C10orf67: variants seen among roughly 807,000 people sequenced by gnomAD.
The protein encoded by C10orf67 is chromosome 10 open reading frame 67, also known as uncharacterized protein C10orf67, mitochondrial.
A neutral mutation model predicts 35.6 loss-of-function variants in C10orf67; 60 were observed. The ratio of observed to expected loss-of-function variants is 1.68; its 90% CI spans 1.37 to 2.09. The LOEUF (loss-of-function observed/expected upper bound fraction) is 2.09, where lower values mean the gene tolerates loss of function less well. Among genes scored for constraint, C10orf67 ranks in the 30% most tolerant of loss-of-function variants. The pLI is 0.00. For synonymous variants in C10orf67, 167 were observed against 115.8 expected (o/e 1.44, Z -2.84); for missense variants, 474 against 330.2 (o/e 1.44, Z -3.38).
chr10:23,289,714 C>T (rs1843656878), intron 7 of C10orf67, among the ~76,000 whole-genome samples, 186 bp downstream of exon 7: 1 of 152,206 alleles, frequency 6.6e-6, no homozygotes, highest in Non-Finnish European at 1.5e-5. Context: ...ATCTATACAT[C>T]CGTGAGTTTT....
At chr10:23,230,959 C>A (rs1841890272) in intron 13 of C10orf67, among the ~76,000 whole-genome samples, 1 of 152,020 alleles carries the variant, frequency 6.6e-6, no homozygotes, top group Non-Finnish European at 1.5e-5. Context: ...CCTTCAATAT[C>A]TAATCTCCTC....
intron 8 of C10orf67, among the ~76,000 whole-genome samples, chr10:23,279,611 T>C (rs1843306000): frequency 6.6e-6 from 1 of 152,134 alleles, no homozygotes; most frequent in African/African-American, 2.4e-5. Context: ...GGAAATGAAG[T>C]AAGAGAAAGA....
At chr10:23,225,847 C>T (rs1207041052) in intron 13 of C10orf67, among the ~76,000 whole-genome samples, 1 of 152,248 alleles carries the variant, frequency 6.6e-6, no homozygotes, top group Admixed American at 6.5e-5. Context: ...GCACCCAATA[C>T]AGGAGCAGCC....
intron 7 of C10orf67, among the ~76,000 whole-genome samples, chr10:23,285,183 C>A (rs1306020538): frequency 6.6e-6 from 1 of 151,910 alleles, no homozygotes; most frequent in African/African-American, 2.4e-5. Context: ...CCCCAGGGGA[C>A]CTAGTTCCAA....
Position 23,333,080 on chromosome 10 carries a change from A to C in C10orf67, c.309T>G (p.Ser103=), listed in dbSNP as rs1264699325. The change falls in exon 2 of 16, where the codon TCT becomes TCG. Residue 103 remains serine (S), a synonymous_variant. Transcript: ENST00000636213. The part of the protein sequence containing the change: ...EILSVKELSS[S]TQKLAQMMKS... ...GATTTACCTGTGCTAACTTTTGCGT[A>C]GATGAACTCAATTCTTTTACTGACA... The C allele has an allele frequency of 1.2e-6, 2 of 1,612,406 alleles. No homozygotes were observed. The highest frequency in any genetic ancestry group is 1.7e-6 in the Non-Finnish European group (2 of 1,179,232).
At chr10:23,331,798 A>G (rs1845498572) in intron 2 of C10orf67, among the ~76,000 whole-genome samples, 1 of 152,168 alleles carries the variant, frequency 6.6e-6, no homozygotes, top group African/African-American at 2.4e-5. Flanking sequence ...CGTGTCTCAA[A>G]GAAGGTTCCT....
At chr10:23,323,496 A>T (rs996405903) in intron 2 of C10orf67, among the ~76,000 whole-genome samples, 1 of 152,046 alleles carries the variant, frequency 6.6e-6, no homozygotes, top group Admixed American at 6.6e-5. Context: ...TCTAAAAAAA[A>T]AATTTATTCT....
At chr10:23,254,760 G>A (rs189493968) in intron 10 of C10orf67, among the ~76,000 whole-genome samples, 72 of 152,128 alleles carry the variant, frequency 4.7e-4, no homozygotes, top group African/African-American at 1.6e-3. Context: ...ATTAACTGCC[G>A]TAAGATTAAC....
At chr10:23,230,603 GA>G (rs1236698341) in intron 13 of C10orf67, among the ~76,000 whole-genome samples, 2 of 151,998 alleles carry the variant, frequency 1.3e-5, no homozygotes, top group African/African-American at 2.4e-5. Flanking sequence ...TAATTCCTAT[GA>G]AAAAATAAAT....
At chr10:23,328,276 T>A (rs1486274776) in intron 2 of C10orf67, among the ~76,000 whole-genome samples, 2 of 152,172 alleles carry the variant, frequency 1.3e-5, no homozygotes, top group Non-Finnish European at 2.9e-5. Context: ...CGGGCGGCAA[T>A]GTGCATAGCT....
chr10:23,217,492 A>C (rs139613099), intron 15 of C10orf67, among the ~76,000 whole-genome samples: 1 of 152,328 alleles, frequency 6.6e-6, no homozygotes, highest in East Asian at 1.9e-4. Context: ...TGCACTAATT[A>C]AACACTTTCT....
At chr10:23,344,519 C>T (rs371261491) in intron 1 of C10orf67, 50 bp downstream of exon 1, 2 of 1,522,536 alleles carry the variant, frequency 1.3e-6, no homozygotes, top group Non-Finnish European at 1.8e-6. Flanking sequence ...CCGCCGTGCC[C>T]CTGGACCCTG....
rs778885205 is a variant in C10orf67 at position 23,344,769 on chromosome 10, G to C, written c.6C>G (p.Ala2=). The change falls in exon 1 of 16, where the codon GCC becomes GCG. Residue 2 remains alanine, a synonymous_variant. Coordinates refer to ENST00000636213, the MANE Select transcript of C10orf67 (RefSeq NM_001371909.1). M[A]LVRDRRAHYV... ...AATGAGCCCTGCGATCCCGGACCAA[G>C]GCCATCATAAGAGGAGAGCAGGCTG... 299 of 1,560,218 alleles carry C rather than the reference G, an allele frequency of 1.9e-4. No homozygotes were observed. The highest frequency in any genetic ancestry group is 2.5e-4 in the Non-Finnish European group (289 of 1,152,378).
At chr10:23,286,868 A>G (rs1170747539) in intron 7 of C10orf67, among the ~76,000 whole-genome samples, 1 of 152,206 alleles carries the variant, frequency 6.6e-6, no homozygotes, top group Non-Finnish European at 1.5e-5. Flanking sequence ...GTTATCAGGG[A>G]AACATCTCCC....
At chr10:23,267,868 TCC>T (rs1842923323) in intron 8 of C10orf67, among the ~76,000 whole-genome samples, 2 of 150,086 alleles carry the variant, frequency 1.3e-5, no homozygotes, top group African/African-American at 2.5e-5. Flanking sequence ...GCCATTGCAC[TCC>T]AGCCTGGGCA....
chr10:23,240,967 C>G (rs981075612), intron 12 of C10orf67, among the ~76,000 whole-genome samples: 1 of 152,136 alleles, frequency 6.6e-6, no homozygotes, highest in Non-Finnish European at 1.5e-5. Context: ...ATTCTATGGG[C>G]AGGAAACAGA....
At chr10:23,314,438 A>G (rs1844616397) in intron 4 of C10orf67, among the ~76,000 whole-genome samples, 3 of 152,070 alleles carry the variant, frequency 2.0e-5, no homozygotes, top group African/African-American at 7.2e-5. Flanking sequence ...CCTGGGCAAC[A>G]TAGTGAGACT....
chr10:23,308,099 T>A (rs1481972424), intron 4 of C10orf67, among the ~76,000 whole-genome samples: 3 of 152,202 alleles, frequency 2.0e-5, no homozygotes, highest in African/African-American at 4.8e-5. Flanking sequence ...ACCTTCACTG[T>A]CATCCTTTCT....
At chr10:23,319,052 C>A (rs781519459) in intron 4 of C10orf67, 1 of 664,528 alleles carries the variant, frequency 1.5e-6, no homozygotes, top group Non-Finnish European at 2.7e-6. Context: ...AGGTTTATTA[C>A]ATGGGTAAAT....
Sources: gnomAD v4.1 joint callset for allele counts (sites outside exome capture counted in the v4.1 genomes callset) on GRCh38, gnomAD v4.1.1 for gene constraint, MANE v1.5 for transcripts, NCBI Gene and HGNC (gene_info 2026-07-23, HGNC 2026-07-21) for gene names.